Variants in HS6ST3 observed in about 807,000 individuals in gnomAD.
HS6ST3 encodes the protein heparan sulfate 6-O-sulfotransferase 3.
Under a neutral mutation model 36.7 loss-of-function variants are expected in HS6ST3, and 12 were observed. That is an observed-to-expected ratio of 0.33 (90% CI 0.21 to 0.53). The LOEUF is 0.53. Ranked by LOEUF, HS6ST3 falls within the 20% of genes least tolerant of loss-of-function variation. The pLI is 0.95. For synonymous variants in HS6ST3, 240 were observed against 257.5 expected (o/e 0.93, Z 0.65); for missense variants, 584 against 640.9 (o/e 0.91, Z 0.96).
intron 1 of HS6ST3, among the ~76,000 whole-genome samples, chr13:96,481,597 G>A (rs1340321794): frequency 6.6e-6 from 1 of 152,094 alleles, no homozygotes; most frequent in African/African-American, 2.4e-5. Context: ...TCAAAACTTG[G>A]CGTTTCTCTG....
At chr13:96,145,237 C>T (rs61968006) in intron 1 of HS6ST3, among the ~76,000 whole-genome samples, 1 of 151,182 alleles carries the variant, frequency 6.6e-6, no homozygotes, top group Non-Finnish European at 1.5e-5. Flanking sequence ...ACATTGACTT[C>T]CACAATGGTT....
intron 1 of HS6ST3, among the ~76,000 whole-genome samples, chr13:96,771,815 TA>T (rs2138507806): frequency 6.6e-6 from 1 of 152,148 alleles, no homozygotes; most frequent in East Asian, 1.9e-4. Context: ...GACAGACTTC[TA>T]GGAGGTACAA....
intron 1 of HS6ST3, among the ~76,000 whole-genome samples, chr13:96,186,122 A>C (rs564106220): frequency 6.6e-6 from 1 of 152,082 alleles, no homozygotes; most frequent in South Asian, 2.1e-4. Context: ...CATATATATA[A>C]TTTTTTTTCC....
intron 1 of HS6ST3, among the ~76,000 whole-genome samples, chr13:96,473,304 G>A (rs1244819301): frequency 2.0e-5 from 3 of 152,200 alleles, no homozygotes; most frequent in African/African-American, 7.2e-5. Flanking sequence ...GTGTAGCCAC[G>A]ACTGAGCTCC....
At chr13:96,494,325 T>C (rs995305213) in intron 1 of HS6ST3, among the ~76,000 whole-genome samples, 2 of 135,208 alleles carry the variant, frequency 1.5e-5, no homozygotes, top group Non-Finnish European at 3.0e-5. Context: ...TTCTCACTCA[T>C]AGGTGGGAAT....
At chr13:96,152,883 T>A (rs2054093444) in intron 1 of HS6ST3, among the ~76,000 whole-genome samples, 1 of 152,186 alleles carries the variant, frequency 6.6e-6, no homozygotes, top group South Asian at 2.1e-4. Context: ...TGTGCTCTAA[T>A]CTAGCCTGAC....
At chr13:96,451,975 C>T (rs763773277) in intron 1 of HS6ST3, among the ~76,000 whole-genome samples, 5 of 152,140 alleles carry the variant, frequency 3.3e-5, no homozygotes, top group South Asian at 2.1e-4. Context: ...TTTATGTGAT[C>T]GTTTTTACCT....
At chr13:96,592,973 A>G (rs1357988251) in intron 1 of HS6ST3, among the ~76,000 whole-genome samples, 1 of 151,680 alleles carries the variant, frequency 6.6e-6, no homozygotes, top group Non-Finnish European at 1.5e-5. Flanking sequence ...ATATTGATAT[A>G]TTTCTCTAGG....
chr13:96,174,676 G>GT (rs2054204392), intron 1 of HS6ST3, among the ~76,000 whole-genome samples: 1 of 151,994 alleles, frequency 6.6e-6, no homozygotes, highest in Non-Finnish European at 1.5e-5. Flanking sequence ...TCTAAACTAT[G>GT]TTTAAATGCT....
intron 1 of HS6ST3, among the ~76,000 whole-genome samples, chr13:96,700,502 T>C (rs1465541951): frequency 6.6e-6 from 1 of 152,224 alleles, no homozygotes; most frequent in Admixed American, 6.5e-5. Flanking sequence ...TCCTGTTTAC[T>C]TGTTTGTAGT....
chr13:96,515,853 G>C (rs2056070232), intron 1 of HS6ST3, among the ~76,000 whole-genome samples: 1 of 151,980 alleles, frequency 6.6e-6, no homozygotes, highest in South Asian at 2.1e-4. Context: ...TCTTTATAGT[G>C]GTATATAGTC....
At chr13:96,469,798 G>T (rs564143398) in intron 1 of HS6ST3, among the ~76,000 whole-genome samples, 1 of 152,096 alleles carries the variant, frequency 6.6e-6, no homozygotes, top group Admixed American at 6.6e-5. Flanking sequence ...GGTAGTAGTG[G>T]CAGGTTATGG....
chr13:96,346,000 C>T (rs1314825198), intron 1 of HS6ST3, among the ~76,000 whole-genome samples: 1 of 152,108 alleles, frequency 6.6e-6, no homozygotes, highest in African/African-American at 2.4e-5. Context: ...AGCCTAGATC[C>T]CTAACATGTG....
chr13:96,338,861 AACTT>A (rs1299777003), intron 1 of HS6ST3, among the ~76,000 whole-genome samples: 2 of 152,190 alleles, frequency 1.3e-5, no homozygotes, highest in African/African-American at 4.8e-5. Context: ...TGGAGGAACT[AACTT>A]ACACTGAAAT....
At chr13:96,469,437 C>T (rs868507238) in intron 1 of HS6ST3, among the ~76,000 whole-genome samples, 1 of 152,014 alleles carries the variant, frequency 6.6e-6, no homozygotes, top group Non-Finnish European at 1.5e-5. Context: ...ATCACAGTAC[C>T]GCTAGATGGT....
chr13:96,711,051 C>A (rs1164379596), intron 1 of HS6ST3, among the ~76,000 whole-genome samples: 1 of 152,190 alleles, frequency 6.6e-6, no homozygotes, highest in African/African-American at 2.4e-5. Context: ...CTTCTTTTGT[C>A]CCTTTTGTAC....
intron 1 of HS6ST3, among the ~76,000 whole-genome samples, chr13:96,669,974 C>T (rs907345673): frequency 2.0e-5 from 3 of 152,010 alleles, no homozygotes; most frequent in Non-Finnish European, 4.4e-5. Flanking sequence ...TGAGGACCAC[C>T]AGTTTTTAGA....
chr13:96,481,475 A>G (rs2055889725), intron 1 of HS6ST3, among the ~76,000 whole-genome samples: 1 of 152,118 alleles, frequency 6.6e-6, no homozygotes, highest in African/African-American at 2.4e-5. Context: ...AACAAGACTT[A>G]ATCAAGTGCT....
intron 1 of HS6ST3, among the ~76,000 whole-genome samples, chr13:96,241,493 C>T (rs2054559807): frequency 6.6e-6 from 1 of 151,582 alleles, no homozygotes; most frequent in Non-Finnish European, 1.5e-5. Flanking sequence ...ATATATTTGT[C>T]AAAATACAAA....
Sources: gnomAD v4.1 joint callset for allele counts (sites outside exome capture counted in the v4.1 genomes callset) on GRCh38, gnomAD v4.1.1 for gene constraint, MANE v1.5 for transcripts, NCBI Gene and HGNC (gene_info 2026-07-23, HGNC 2026-07-21) for gene names.